The following RNLS variants were observed in gnomAD, a reference collection of about 807,000 sequenced individuals.
RNLS encodes renalase, FAD dependent amine oxidase, also known as renalase.
Under a neutral mutation model 39.8 loss-of-function variants are expected in RNLS, and 39 were observed. The observed-to-expected ratio is 0.98, with a 90% confidence interval of 0.76 to 1.28. RNLS has a LOEUF of 1.28. Among genes scored for constraint, RNLS ranks in the 50% most tolerant of loss-of-function variants. The pLI is 0.00. For missense variants in RNLS, 410 were observed against 413.3 expected, an observed-to-expected ratio of 0.99 and a Z score of 0.07; for synonymous variants, 147 against 150.7, an observed-to-expected ratio of 0.98 and a Z score of 0.18.
At chr10:88,217,025 T>G in the RNLS span, among the ~76,000 whole-genome samples, 1 of 151,390 alleles carries the variant, frequency 6.6e-6, no homozygotes, top group African/African-American at 2.4e-5. Context: ...TGAGTGCAGC[T>G]CAATTAGGGG....
At chr10:88,288,208 AC>A (rs1843413611) in intron 6 of RNLS, among the ~76,000 whole-genome samples, 1 of 152,120 alleles carries the variant, frequency 6.6e-6, no homozygotes, top group Admixed American at 6.6e-5. Flanking sequence ...TCACATAGCA[AC>A]CCTATGAGGT....
chr10:88,198,503 A>G, the RNLS span, among the ~76,000 whole-genome samples: 3 of 152,180 alleles, frequency 2.0e-5, no homozygotes, highest in Admixed American at 6.5e-5. Context: ...GCCTGATGAT[A>G]TGGTTTGGAT....
At chr10:88,246,502 T>A in the RNLS span, among the ~76,000 whole-genome samples, 1 of 152,072 alleles carries the variant, frequency 6.6e-6, no homozygotes, top group Non-Finnish European at 1.5e-5. Flanking sequence ...TGCCATATAA[T>A]CAGGGATGTG....
chr10:88,238,136 G>C, the RNLS span, among the ~76,000 whole-genome samples: 1 of 152,140 alleles, frequency 6.6e-6, no homozygotes, highest in Non-Finnish European at 1.5e-5. Flanking sequence ...CAGTCAACAA[G>C]CATTCCTTGA....
chr10:88,349,884 A>T (rs1283259472), intron 5 of RNLS, among the ~76,000 whole-genome samples: 1 of 152,086 alleles, frequency 6.6e-6, no homozygotes, highest in Non-Finnish European at 1.5e-5. Flanking sequence ...GCTGTTAATT[A>T]AATTGCTTTA....
chr10:88,184,369 C>A, the RNLS span, among the ~76,000 whole-genome samples: 4 of 152,254 alleles, frequency 2.6e-5, no homozygotes, highest in African/African-American at 7.2e-5. Flanking sequence ...TTTTGAGTAG[C>A]TTTCTGATCT....
chr10:88,254,183 C>T, the RNLS span, among the ~76,000 whole-genome samples: 1 of 152,168 alleles, frequency 6.6e-6, no homozygotes, highest in East Asian at 1.9e-4. Context: ...TGATTTCTCC[C>T]CAGCATATCC....
chr10:88,513,353 T>C (rs1180632625), intron 4 of RNLS, among the ~76,000 whole-genome samples: 1 of 152,186 alleles, frequency 6.6e-6, no homozygotes, highest in South Asian at 2.1e-4. Flanking sequence ...AAGTAAACCA[T>C]GTCCCTGTGG....
At chr10:88,260,221 C>A in the RNLS span, among the ~76,000 whole-genome samples, 2 of 152,160 alleles carry the variant, frequency 1.3e-5, no homozygotes, top group African/African-American at 2.4e-5. Flanking sequence ...GATAAGCAAA[C>A]TTGAGCTGGT....
the RNLS span, among the ~76,000 whole-genome samples, chr10:88,221,880 A>C: frequency 3.3e-5 from 5 of 152,100 alleles, no homozygotes; most frequent in South Asian, 1.0e-3. Context: ...TCCAGCAGCA[A>C]ATCCGCTCTC....
chr10:88,370,325 A>T (rs1616888), intron 4 of RNLS, among the ~76,000 whole-genome samples: 88,918 of 151,372 alleles, frequency 0.59, 27,009 homozygotes, highest in Admixed American at 0.67. Context: ...AAACACTTTT[A>T]AAAAGTGTAT....
chr10:88,174,212 C>G, the RNLS span, among the ~76,000 whole-genome samples: 1 of 151,922 alleles, frequency 6.6e-6, no homozygotes, highest in East Asian at 1.9e-4. Context: ...AATTTGACTT[C>G]TTCTTTTCCA....
chr10:88,350,948 A>C (rs1163993451), intron 5 of RNLS, among the ~76,000 whole-genome samples: 2 of 152,064 alleles, frequency 1.3e-5, no homozygotes, highest in Admixed American at 6.5e-5. Context: ...ATGATATCTC[A>C]TTGTGGTTTT....
the RNLS span, among the ~76,000 whole-genome samples, chr10:88,184,222 G>A: frequency 6.6e-6 from 1 of 152,026 alleles, no homozygotes; most frequent in Non-Finnish European, 1.5e-5. Flanking sequence ...ACTCACTCAA[G>A]AGCTACCTGT....
chr10:88,454,286 C>G (rs370901280), intron 4 of RNLS, among the ~76,000 whole-genome samples: 1 of 152,094 alleles, frequency 6.6e-6, no homozygotes, highest in South Asian at 2.1e-4. Flanking sequence ...AATTAGGAGG[C>G]CTTGGTGCCA....
chr10:88,350,361 C>T (rs914943986), intron 5 of RNLS, among the ~76,000 whole-genome samples: 1 of 152,034 alleles, frequency 6.6e-6, no homozygotes, highest in African/African-American at 2.4e-5. Flanking sequence ...CGGTATATCT[C>T]CTAATGCTAT....
intron 6 of RNLS, among the ~76,000 whole-genome samples, chr10:88,308,729 A>G (rs1845127331): frequency 6.6e-6 from 1 of 152,234 alleles, no homozygotes; most frequent in South Asian, 2.1e-4. Flanking sequence ...TTAAAGACCT[A>G]AAATCACAAA....
chr10:88,444,696 C>T (rs781216624), intron 4 of RNLS, among the ~76,000 whole-genome samples: 5 of 151,998 alleles, frequency 3.3e-5, no homozygotes, highest in African/African-American at 7.3e-5. Flanking sequence ...GTAGCCGATT[C>T]GATCAACTGG....
intron 4 of RNLS, among the ~76,000 whole-genome samples, chr10:88,441,628 C>T (rs1039687501): frequency 1.3e-5 from 2 of 152,292 alleles, no homozygotes; most frequent in South Asian, 4.1e-4. Context: ...TCTCTTCAGT[C>T]ACAGAATGCT....
Sources: allele counts gnomAD v4.1 joint callset (sites outside exome capture counted in the v4.1 genomes callset), GRCh38; gene constraint gnomAD v4.1.1; transcripts MANE v1.5; gene names NCBI Gene and HGNC (gene_info 2026-07-23, HGNC 2026-07-21).